PSAP: variants seen among roughly 807,000 people sequenced by gnomAD.
PSAP encodes the protein precursor of saposins.
PSAP carries 25 observed loss-of-function variants against 66.0 expected under a neutral mutation model. The ratio of observed to expected loss-of-function variants is 0.38; its 90% CI spans 0.28 to 0.53. The LOEUF is 0.53. PSAP is among the 20% of genes least tolerant of loss of function. The pLI is 0.83. For synonymous variants in PSAP, 273 were observed against 258.9 expected (o/e 1.05, Z -0.52); for missense variants, 649 against 668.8 (o/e 0.97, Z 0.33).
At chr10:71,821,820 AG>A in intron 8 of PSAP, 55 bp downstream of exon 8, 3 of 1,610,110 alleles carry the variant, frequency 1.9e-6, no homozygotes, top group Non-Finnish European at 2.6e-6. Context: ...GTGACACAGC[AG>A]GGAGTAGTGT....
chr10:71,845,703 G>A (rs60821462), intron 1 of PSAP, among the ~76,000 whole-genome samples: 2,565 of 152,202 alleles, frequency 0.017, 71 homozygotes, highest in African/African-American at 0.057. Context: ...ACCGAACTAG[G>A]GGGCTGGAAC....
intron 11 of PSAP, 143 bp from the exon 12 acceptor site, chr10:71,819,254 C>T (rs1397213058): frequency 1.7e-5 from 17 of 1,019,874 alleles, no homozygotes; most frequent in Non-Finnish European, 2.4e-5. Context: ...GCCTCCCTTT[C>T]CAGACACCCT....
At chr10:71,839,629 A>C (rs1443475391) in intron 1 of PSAP, among the ~76,000 whole-genome samples, 1 of 152,104 alleles carries the variant, frequency 6.6e-6, no homozygotes, top group Non-Finnish European at 1.5e-5. Context: ...CTGAGGCAGG[A>C]GAATCATTTT....
chr10:71,817,648 C>T (rs1455675886), intron 13 of PSAP, among the ~76,000 whole-genome samples, 172 bp from the exon 14 acceptor site: 2 of 152,192 alleles, frequency 1.3e-5, no homozygotes, highest in African/African-American at 2.4e-5. Context: ...ACAGGGAACA[C>T]GTGGCCATCA....
chr10:71,817,497 G>C (rs778763310), intron 13 of PSAP, 21 bp from the exon 14 acceptor site: 11 of 1,613,494 alleles, frequency 6.8e-6, no homozygotes, highest in Non-Finnish European at 9.3e-6. Flanking sequence ...AGAGGAAGCT[G>C]AGTTTAGTCT....
chr10:71,840,485 C>T (rs1029056478), intron 1 of PSAP, among the ~76,000 whole-genome samples: 2 of 152,228 alleles, frequency 1.3e-5, no homozygotes, highest in African/African-American at 4.8e-5. Flanking sequence ...CTTGTCTCTT[C>T]CTCATAGATA....
At chr10:71,818,795 A>G in intron 12 of PSAP, 71 bp from the exon 13 acceptor site, 1 of 1,335,094 alleles carries the variant, frequency 7.5e-7, no homozygotes. Flanking sequence ...TTCAAAACTA[A>G]GAAAACAGTT....
At chr10:71,839,238 G>A (rs1323823204) in intron 1 of PSAP, among the ~76,000 whole-genome samples, 1 of 152,012 alleles carries the variant, frequency 6.6e-6, no homozygotes, top group East Asian at 1.9e-4. Context: ...GGAACAACGG[G>A]CTCTTTTTTT....
chr10:71,843,334 G>A (rs1322435900), intron 1 of PSAP, among the ~76,000 whole-genome samples: 1 of 152,136 alleles, frequency 6.6e-6, no homozygotes, highest in African/African-American at 2.4e-5. Context: ...CCAATCACCA[G>A]GTGACAGGCG....
At chr10:71,822,973 A>G (rs117035042) in intron 7 of PSAP, among the ~76,000 whole-genome samples, 2,466 of 151,822 alleles carry the variant, frequency 0.016, 35 homozygotes, top group Non-Finnish European at 0.024. Flanking sequence ...AAATAAATAA[A>G]TAATAAGAAC....
At chr10:71,828,825 C>T (rs1219604367) in intron 5 of PSAP, 52 bp downstream of exon 5, 39 of 1,602,040 alleles carry the variant, frequency 2.4e-5, no homozygotes, top group Non-Finnish European at 3.3e-5. Context: ...TTTGGTCTCT[C>T]ATCTCCAGTG....
chr10:71,817,096 G>C lies in PSAP; in HGVS notation c.*345C>G, dbSNP rs1842181724. 1 of 431,284 alleles carries C rather than the reference G, an allele frequency of 2.3e-6. No homozygotes were observed. The highest frequency in any genetic ancestry group is 4.3e-6 in the Non-Finnish European group (1 of 231,860). 26.7% of individuals were successfully genotyped at this position (431,284 alleles called of 1,614,324 possible). Reference sequence around the variant, plus strand: ...AGCACATGTCAGGGCTCAGAACAAGGCCTCAACCAAGAGGGTTGATGGCCT... The same window carrying C: ...AGCACATGTCAGGGCTCAGAACAAGCCCTCAACCAAGAGGGTTGATGGCCT... On this transcript the variant is annotated 3_prime_UTR_variant, in exon 14 of 14. Transcript: ENST00000394936.
chr10:71,824,012 A>T, intron 7 of PSAP: 1 of 742,120 alleles, frequency 1.3e-6, no homozygotes, highest in Non-Finnish European at 2.0e-6. Flanking sequence ...GGATGTCCCA[A>T]GAGGTTCAGG....
intron 2 of PSAP, 112 bp from the exon 3 acceptor site, chr10:71,832,032 T>C (rs1842531433): frequency 3.7e-6 from 4 of 1,071,488 alleles, no homozygotes. Context: ...GATATGATCA[T>C]GACCGCGCTC....
chr10:71,822,304 T>C (rs1243623110), intron 7 of PSAP: 2 of 464,460 alleles, frequency 4.3e-6, no homozygotes, highest in East Asian at 4.4e-5. Flanking sequence ...ACCTTCCACA[T>C]CTCCAAGGAC....
intron 1 of PSAP, among the ~76,000 whole-genome samples, chr10:71,842,005 TAAA>T (rs35837949): frequency 7.1e-6 from 1 of 141,380 alleles, no homozygotes; most frequent in African/African-American, 2.6e-5. Flanking sequence ...GACTCCGTCT[TAAA>T]AAAAAAAAAA....
intron 1 of PSAP, 39 bp downstream of exon 1, chr10:71,851,143 G>A (rs1288845394): frequency 3.2e-6 from 5 of 1,549,232 alleles, no homozygotes; most frequent in Non-Finnish European, 3.5e-6. Context: ...TGGACGCTGC[G>A]AGGCACCTCC....
chr10:71,849,723 G>A (rs915966626), intron 1 of PSAP, among the ~76,000 whole-genome samples: 1 of 151,866 alleles, frequency 6.6e-6, no homozygotes, highest in African/African-American at 2.4e-5. Flanking sequence ...TGCCCAGGCT[G>A]GTCTCCAACT....
At chr10:71,817,649 G>A (rs557017940) in intron 13 of PSAP, among the ~76,000 whole-genome samples, 173 bp from the exon 14 acceptor site, 10 of 152,188 alleles carry the variant, frequency 6.6e-5, no homozygotes, top group Non-Finnish European at 1.3e-4. Flanking sequence ...CAGGGAACAC[G>A]TGGCCATCAG....
Sources: allele counts gnomAD v4.1 joint callset (sites outside exome capture counted in the v4.1 genomes callset), GRCh38; gene constraint gnomAD v4.1.1; transcripts MANE v1.5; gene names NCBI Gene and HGNC (gene_info 2026-07-23, HGNC 2026-07-21).